The following FHIT variants were observed in gnomAD, a reference collection of about 807,000 sequenced individuals.
The protein encoded by FHIT is bis(5'-adenosyl)-triphosphatase.
Under a neutral mutation model 17.9 loss-of-function variants are expected in FHIT, and 19 were observed. That is an observed-to-expected ratio of 1.06 (90% CI 0.74 to 1.56). The LOEUF (loss-of-function observed/expected upper bound fraction) is 1.56, where lower values mean the gene tolerates loss of function less well. Among genes scored for constraint, FHIT ranks in the 40% most tolerant of loss-of-function variants. The probability of loss-of-function intolerance (pLI) is 0.00; values close to 1 mark genes in which losing one functional copy is unlikely to be tolerated. For missense variants in FHIT, 248 were observed against 189.2 expected, an observed-to-expected ratio of 1.31 and a Z score of -1.82; for synonymous variants, 81 against 69.7, an observed-to-expected ratio of 1.16 and a Z score of -0.81.
intron 4 of FHIT, among the ~76,000 whole-genome samples, chr3:60,629,929 G>A (rs2039395402): frequency 6.6e-6 from 1 of 152,136 alleles, no homozygotes; most frequent in African/African-American, 2.4e-5. Flanking sequence ...TGGCTAGCCT[G>A]ACACTTGATA....
chr3:61,080,104 A>G (rs1327066635), intron 2 of FHIT, among the ~76,000 whole-genome samples: 1 of 152,190 alleles, frequency 6.6e-6, no homozygotes, highest in Non-Finnish European at 1.5e-5. Context: ...TTCATATTAC[A>G]ACTAATCTAA....
At chr3:60,981,940 C>G (rs536732179) in intron 3 of FHIT, among the ~76,000 whole-genome samples, 1 of 152,170 alleles carries the variant, frequency 6.6e-6, no homozygotes, top group Admixed American at 6.6e-5. Flanking sequence ...GTCAATTTTA[C>G]CTACAAAACA....
chr3:59,831,100 C>T (rs1228270299), intron 8 of FHIT, among the ~76,000 whole-genome samples: 2 of 152,134 alleles, frequency 1.3e-5, no homozygotes, highest in Non-Finnish European at 2.9e-5. Flanking sequence ...ACCCCACCTA[C>T]CTCTTAGGGT....
chr3:60,029,104 C>T (rs377642711), intron 5 of FHIT, among the ~76,000 whole-genome samples: 3 of 152,148 alleles, frequency 2.0e-5, no homozygotes, highest in African/African-American at 4.8e-5. Context: ...TTACAGTGTA[C>T]TAAATTAGTA....
At chr3:61,118,653 T>G (rs113490627) in intron 2 of FHIT, among the ~76,000 whole-genome samples, 1 of 152,164 alleles carries the variant, frequency 6.6e-6, no homozygotes, top group African/African-American at 2.4e-5. Context: ...CTTTCCACTT[T>G]GTAACTTTGA....
chr3:61,173,360 T>G (rs13323296), intron 2 of FHIT, among the ~76,000 whole-genome samples: 70,805 of 152,080 alleles, frequency 0.47, 17,360 homozygotes, highest in East Asian at 0.87. Context: ...AAATGTGCTG[T>G]ATAATTTATT....
intron 2 of FHIT, among the ~76,000 whole-genome samples, chr3:61,044,110 G>A (rs953537406): frequency 1.3e-5 from 2 of 152,204 alleles, no homozygotes; most frequent in African/African-American, 2.4e-5. Flanking sequence ...GCCAGCAAGG[G>A]AACAAAGCTG....
chr3:60,615,432 T>C lies in FHIT; in HGVS notation c.-17-78453A>G, dbSNP rs113367539. Among the ~76,000 whole-genome samples, 538 of 152,300 alleles carry C rather than the reference T, an allele frequency of 3.5e-3. 2 individuals carry two copies. The highest frequency in any genetic ancestry group is 0.012 in the African/African-American group (510 of 41,564). ...TCTCAATACTCTAGACTGAAGTTAA[T>C]GACCAGTGCAAACCACCAGAGTATT... On this transcript the variant is annotated intron_variant, in intron 4 of 9. Transcript: ENST00000492590.
intron 3 of FHIT, among the ~76,000 whole-genome samples, chr3:60,832,132 AT>A (rs534056985): frequency 3.3e-5 from 5 of 151,664 alleles, no homozygotes; most frequent in African/African-American, 7.3e-5. Flanking sequence ...CCATCTAAAC[AT>A]TTTTTTCCCC....
intron 3 of FHIT, among the ~76,000 whole-genome samples, chr3:61,014,240 G>C (rs568806248): frequency 1.6e-4 from 25 of 152,098 alleles, no homozygotes; most frequent in Non-Finnish European, 2.9e-4. Context: ...GAGATACCAT[G>C]ATTCTTCGGC....
chr3:60,223,422 C>T (rs1261101472), intron 5 of FHIT, among the ~76,000 whole-genome samples: 1 of 152,154 alleles, frequency 6.6e-6, no homozygotes, highest in Non-Finnish European at 1.5e-5. Flanking sequence ...CTTTGCAACA[C>T]GTAAGCGATC....
intron 5 of FHIT, among the ~76,000 whole-genome samples, chr3:60,356,231 G>A (rs916817063): frequency 2.6e-5 from 4 of 152,132 alleles, no homozygotes; most frequent in Non-Finnish European, 5.9e-5. Flanking sequence ...AAAAGTAACC[G>A]AGCAGAGCCT....
At chr3:60,441,788 A>AAG (rs1294523907) in intron 5 of FHIT, among the ~76,000 whole-genome samples, 1 of 12,318 alleles carries the variant, frequency 8.1e-5, no homozygotes, top group African/African-American at 2.4e-4. Context: ...ATAAAAATAT[A>AAG]TATATATATA....
intron 1 of FHIT, among the ~76,000 whole-genome samples, chr3:61,219,776 G>A (rs974228166): frequency 1.3e-5 from 2 of 152,140 alleles, no homozygotes; most frequent in Non-Finnish European, 2.9e-5. Context: ...TCAGAGGATA[G>A]CCCTCCAAAA....
intron 7 of FHIT, among the ~76,000 whole-genome samples, chr3:59,967,120 A>G (rs1707963218): frequency 6.6e-6 from 1 of 152,070 alleles, no homozygotes; most frequent in Non-Finnish European, 1.5e-5. Context: ...ACTCTCTTCT[A>G]TGTCCACATC....
intron 2 of FHIT, among the ~76,000 whole-genome samples, chr3:61,192,728 C>A (rs1053062799): frequency 6.6e-6 from 1 of 152,146 alleles, no homozygotes; most frequent in East Asian, 1.9e-4. Flanking sequence ...TAATTCCACC[C>A]ACATTCCCCA....
intron 4 of FHIT, among the ~76,000 whole-genome samples, chr3:60,804,551 T>C (rs1701315352): frequency 6.6e-6 from 1 of 152,222 alleles, no homozygotes; most frequent in Non-Finnish European, 1.5e-5. Flanking sequence ...CCTACATTAC[T>C]ACGAGTAGGA....
intron 3 of FHIT, among the ~76,000 whole-genome samples, chr3:60,984,180 C>A (rs1710617140): frequency 6.6e-6 from 1 of 152,154 alleles, no homozygotes; most frequent in South Asian, 2.1e-4. Flanking sequence ...CAGCTCTCAT[C>A]ATTCTGTATT....
chr3:59,998,002 G>A (rs17254574), intron 7 of FHIT, among the ~76,000 whole-genome samples: 15,972 of 152,160 alleles, frequency 0.1, 1,002 homozygotes, highest in South Asian at 0.2. Flanking sequence ...GGGATAATTA[G>A]GACAGTTAGC....
Sources: allele counts gnomAD v4.1 joint callset (sites outside exome capture counted in the v4.1 genomes callset), GRCh38; gene constraint gnomAD v4.1.1; transcripts MANE v1.5; gene names NCBI Gene and HGNC (gene_info 2026-07-23, HGNC 2026-07-21).